The following MYO1E variants were observed in gnomAD, a reference collection of about 807,000 sequenced individuals.
MYO1E encodes the protein unconventional myosin-Ie.
A neutral mutation model predicts 151.1 loss-of-function variants in MYO1E; 68 were observed. The ratio of observed to expected loss-of-function variants is 0.45; its 90% CI spans 0.37 to 0.55. MYO1E has a LOEUF of 0.55. Ranked by LOEUF, MYO1E falls within the 20% of genes least tolerant of loss-of-function variation. The pLI is 0.00. For missense variants in MYO1E, 1,363 were observed against 1,389.3 expected, an observed-to-expected ratio of 0.98 and a Z score of 0.30; for synonymous variants, 601 against 501.7, an observed-to-expected ratio of 1.20 and a Z score of -2.64.
intron 15 of MYO1E, 77 bp downstream of exon 15, chr15:59,205,323 C>T: frequency 7.2e-7 from 1 of 1,390,824 alleles, no homozygotes; most frequent in East Asian, 2.3e-5. Flanking sequence ...CCACCACACC[C>T]AGCTCATAAG....
chr15:59,241,384 T>C (rs370622248), intron 4 of MYO1E, among the ~76,000 whole-genome samples: 7 of 151,902 alleles, frequency 4.6e-5, no homozygotes, highest in Admixed American at 2.6e-4. Flanking sequence ...ACTATAATAA[T>C]AAAACAAATA....
intron 1 of MYO1E, among the ~76,000 whole-genome samples, chr15:59,313,059 C>A (rs1469811811): frequency 6.6e-6 from 1 of 152,198 alleles, no homozygotes; most frequent in Non-Finnish European, 1.5e-5. Flanking sequence ...TGGGGCCCAG[C>A]AATCTGTGCT....
chr15:59,179,596 T>C (rs2079646321), intron 18 of MYO1E, among the ~76,000 whole-genome samples: 1 of 152,220 alleles, frequency 6.6e-6, no homozygotes. Context: ...GTTTTCCATT[T>C]TGCAGAGTAG....
chr15:59,216,643 A>AGTGT lies in MYO1E; in HGVS notation c.1107+1244_1107+1247dup, dbSNP rs1301548766. Among the ~76,000 whole-genome samples, 354 of 43,474 alleles carry AGTGT rather than the reference A, an allele frequency of 8.1e-3. 38 individuals are homozygous for AGTGT. Among genetic ancestry groups the AGTGT allele is most frequent in the East Asian group, 0.031 (92 of 2,924 alleles). 28.5% of individuals were successfully genotyped at this position (43,474 alleles called of 152,430 possible). On this transcript the variant is annotated intron_variant, in intron 10 of 27. Coordinates refer to ENST00000288235, the MANE Select transcript of MYO1E (RefSeq NM_004998.4). ...CTATCTTTTGGATCGAAGGGCCCCC[A>AGTGT]GTGTGTGTGTGTGTGTGTATGTGTA...
intron 18 of MYO1E, among the ~76,000 whole-genome samples, chr15:59,182,276 A>G (rs896552624): frequency 6.6e-5 from 10 of 151,966 alleles, no homozygotes; most frequent in African/African-American, 2.4e-4. Context: ...GCAGTGGCGC[A>G]GTCTTGGTTC....
rs1596402288 is a variant in MYO1E, at chr15:59,289,388, G to A, written c.4-16939C>T. Among the ~76,000 whole-genome samples, 3 of 152,118 alleles carry A rather than the reference G, an allele frequency of 2.0e-5. No homozygotes were observed. The East Asian group carries it at 5.8e-4, about 29-fold the overall frequency. On this transcript the variant is annotated intron_variant, in intron 1 of 27. Transcript: ENST00000288235. ...GCAATCAAACTGCATGAGGAGACTG[G>A]GGTCCATCCAAATATTATATATGGG...
chr15:59,307,906 GGCTC>G, intron 1 of MYO1E, among the ~76,000 whole-genome samples: 1 of 150,646 alleles, frequency 6.6e-6, no homozygotes, highest in Non-Finnish European at 1.5e-5. Flanking sequence ...CACCACGCCT[GGCTC>G]CAGTGAGTTT....
At chr15:59,158,410 T>C in intron 24 of MYO1E, 31 bp from the exon 25 acceptor site, 1 of 1,515,048 alleles carries the variant, frequency 6.6e-7, no homozygotes, top group Non-Finnish European at 9.0e-7. Flanking sequence ...TTAAAACCAG[T>C]GCTACTGGTT....
chr15:59,364,306 G>T (rs2080901183), intron 1 of MYO1E, among the ~76,000 whole-genome samples: 1 of 152,136 alleles, frequency 6.6e-6, no homozygotes, highest in Non-Finnish European at 1.5e-5. Flanking sequence ...TAGAACCTGG[G>T]AATGTGGAGT....
chr15:59,340,969 A>G (rs980916646), intron 1 of MYO1E, among the ~76,000 whole-genome samples: 5 of 147,432 alleles, frequency 3.4e-5, no homozygotes, highest in African/African-American at 5.0e-5. Flanking sequence ...CAGTGAGCTG[A>G]GATCCCGCCA....
At position 59,350,295 on chromosome 15, in the gene MYO1E, C is replaced by G. The variant is rs745959759; in HGVS notation, c.3+22203G>C. Reference sequence around the variant, plus strand: ...GATCCACTGCTGCTGTCTGCTGACTCACCTTCACACTCCAGCTAGAGGATA... The same window carrying G: ...GATCCACTGCTGCTGTCTGCTGACTGACCTTCACACTCCAGCTAGAGGATA... On this transcript the variant is annotated intron_variant, in intron 1 of 27. Transcript: ENST00000288235. The surrounding 1 kb of genome is among the most constrained non-coding windows in gnomAD (Gnocchi z 5.0). 3.3e-5 allele frequency among the ~76,000 whole-genome samples: 5 copies of G among 152,224 alleles called. No homozygotes were observed. The highest frequency in any genetic ancestry group is 1.3e-4 in the Admixed American group (2 of 15,280).
intron 4 of MYO1E, among the ~76,000 whole-genome samples, chr15:59,241,538 TA>T (rs1376910314): frequency 6.6e-6 from 1 of 151,834 alleles, no homozygotes; most frequent in African/African-American, 2.4e-5. Flanking sequence ...CCGTCTCTAC[TA>T]AAAACACAAA....
chr15:59,296,517 C>G (rs2080449271), intron 1 of MYO1E, among the ~76,000 whole-genome samples: 1 of 152,180 alleles, frequency 6.6e-6, no homozygotes, highest in Non-Finnish European at 1.5e-5. Flanking sequence ...CTAGGGAGAA[C>G]AGCTCATTTG....
intron 1 of MYO1E, among the ~76,000 whole-genome samples, chr15:59,354,054 C>A (rs2080840203): frequency 6.6e-6 from 1 of 152,144 alleles, no homozygotes; most frequent in Admixed American, 6.5e-5. Context: ...AAAGCCACAC[C>A]CTTCACTAAC....
At chr15:59,328,801 G>C (rs1223665135) in intron 1 of MYO1E, among the ~76,000 whole-genome samples, 1 of 152,136 alleles carries the variant, frequency 6.6e-6, no homozygotes, top group Non-Finnish European at 1.5e-5. Context: ...TAAGACACTG[G>C]TAAGTGAGTA....
chr15:59,341,351 T>G (rs2080764637), intron 1 of MYO1E: 1 of 152,222 alleles, frequency 6.6e-6, no homozygotes, highest in South Asian at 2.1e-4. Context: ...CATGACATCC[T>G]TGCTCAGGAG....
chr15:59,231,999 G>A (rs537668555), intron 5 of MYO1E, among the ~76,000 whole-genome samples: 1 of 152,236 alleles, frequency 6.6e-6, no homozygotes, highest in South Asian at 2.1e-4. Flanking sequence ...AATTCCCATG[G>A]CTTGATGCAG....
Position 59,257,155 on chromosome 15 carries a change from C to T in MYO1E, c.238-777G>A, listed in dbSNP as rs967154571. Among the ~76,000 whole-genome samples the T allele has an allele frequency of 3.3e-5, 5 of 152,208 alleles. No homozygotes were observed. In the East Asian group the frequency reaches 9.6e-4, roughly 29 times the overall value. On this transcript the variant is annotated intron_variant, in intron 3 of 27. Transcript: ENST00000288235. ...ACAATTTCTTGACACCTACCTTTAC[C>T]ACAACCTCAAAAATTACTAAAAAGA...
intron 15 of MYO1E, 97 bp downstream of exon 15, chr15:59,205,303 T>C (rs566005586): frequency 4.1e-6 from 5 of 1,213,584 alleles, no homozygotes; most frequent in Admixed American, 1.7e-5. Flanking sequence ...GCTGGGACTA[T>C]AGGAACACAC....
Sources: allele counts gnomAD v4.1 joint callset (sites outside exome capture counted in the v4.1 genomes callset), GRCh38; gene constraint gnomAD v4.1.1; non-coding constraint Gnocchi (gnomAD v3.1); transcripts MANE v1.5; gene names NCBI Gene and HGNC (gene_info 2026-07-23, HGNC 2026-07-21).